The following GALNTL6 variants were observed in gnomAD, a reference collection of about 807,000 sequenced individuals.
The protein encoded by GALNTL6 is polypeptide N-acetylgalactosaminyltransferase like 6.
A neutral mutation model predicts 73.7 loss-of-function variants in GALNTL6; 46 were observed. The observed-to-expected ratio is 0.62, with a 90% CI of 0.49 to 0.80. GALNTL6 has a LOEUF of 0.80. Ranked by LOEUF, GALNTL6 falls within the 30% of genes least tolerant of loss-of-function variation. GALNTL6 has a pLI of 0.00. For missense variants in GALNTL6, 604 were observed against 755.0 expected, an observed-to-expected ratio of 0.80 and a Z score of 2.34; for synonymous variants, 259 against 263.7, an observed-to-expected ratio of 0.98 and a Z score of 0.17.
intron 3 of GALNTL6, among the ~76,000 whole-genome samples, chr4:172,306,218 G>A (rs796926939): frequency 6.6e-6 from 1 of 152,034 alleles, no homozygotes; most frequent in South Asian, 2.1e-4. Flanking sequence ...GTGAAACCCT[G>A]TCTCTACTAA....
At chr4:172,519,142 A>AAT (rs904147504) in intron 5 of GALNTL6, among the ~76,000 whole-genome samples, 15 of 150,618 alleles carry the variant, frequency 1.0e-4, no homozygotes, top group Non-Finnish European at 1.0e-4. Flanking sequence ...AACTCCTGCA[A>AAT]ATATATATAT....
At chr4:171,989,151 C>T (rs574661090) in intron 2 of GALNTL6, among the ~76,000 whole-genome samples, 104 of 152,012 alleles carry the variant, frequency 6.8e-4, no homozygotes, top group Non-Finnish European at 1.3e-3. Flanking sequence ...GAAACAGGCC[C>T]TTGAAAATAA....
chr4:172,974,320 C>T (rs1339918293), intron 10 of GALNTL6, among the ~76,000 whole-genome samples: 1 of 151,988 alleles, frequency 6.6e-6, no homozygotes, highest in Admixed American at 6.6e-5. Context: ...TACCTCTCTT[C>T]CTCTTTCTCT....
intron 7 of GALNTL6, among the ~76,000 whole-genome samples, chr4:172,831,736 G>A (rs1390366996): frequency 3.9e-5 from 6 of 152,264 alleles, no homozygotes; most frequent in Admixed American, 1.3e-4. Context: ...GGGATTTGGC[G>A]TCAGAGCCTC....
At position 172,499,148 on chromosome 4, in the gene GALNTL6, C is replaced by T. The variant is rs142001117; in HGVS notation, c.553+150459C>T. 2.4e-3 allele frequency among the ~76,000 whole-genome samples: 369 copies of T among 152,202 alleles called. 3 individuals carry two copies. The highest frequency in any genetic ancestry group is 8.4e-3 in the African/African-American group (348 of 41,540). ...TACATAATAAAAATAAAAGATTAAA[C>T]GTTCCTATGGACTGCAAGTTTGCAT... On this transcript the variant is annotated intron_variant, in intron 5 of 12. Coordinates refer to ENST00000506823, the MANE Select transcript of GALNTL6 (RefSeq NM_001034845.3).
chr4:172,249,489 A>G (rs1473230139), intron 3 of GALNTL6, among the ~76,000 whole-genome samples: 1 of 152,188 alleles, frequency 6.6e-6, no homozygotes, highest in African/African-American at 2.4e-5. Flanking sequence ...CTGAATGTTA[A>G]TCACCAAGAC....
chr4:172,042,638 G>A (rs2110842410), intron 2 of GALNTL6, among the ~76,000 whole-genome samples: 1 of 151,372 alleles, frequency 6.6e-6, no homozygotes, highest in South Asian at 2.1e-4. Context: ...TTATTATCTG[G>A]AAAAATCTGC....
At chr4:172,674,401 T>G (rs1296366514) in intron 5 of GALNTL6, among the ~76,000 whole-genome samples, 1 of 152,184 alleles carries the variant, frequency 6.6e-6, no homozygotes, top group Non-Finnish European at 1.5e-5. Flanking sequence ...TATCACTTTT[T>G]CTTTCATTTT....
chr4:172,726,319 G>C (rs1370715944), intron 5 of GALNTL6, among the ~76,000 whole-genome samples: 1 of 152,140 alleles, frequency 6.6e-6, no homozygotes, highest in Non-Finnish European at 1.5e-5. Flanking sequence ...AACTTCTGCC[G>C]ACCCCCGAGT....
At chr4:172,242,768 G>GA (rs33964913) in intron 3 of GALNTL6, among the ~76,000 whole-genome samples, 1 of 152,004 alleles carries the variant, frequency 6.6e-6, no homozygotes, top group South Asian at 2.1e-4. Flanking sequence ...GGAAATTTTA[G>GA]AAAAAAAATA....
chr4:172,371,569 TTC>T (rs1000548799), intron 5 of GALNTL6, among the ~76,000 whole-genome samples: 1 of 152,146 alleles, frequency 6.6e-6, no homozygotes, highest in Admixed American at 6.5e-5. Context: ...CTTTCCTTCT[TTC>T]TCTCTGACTC....
chr4:172,886,334 T>C (rs1187599524), intron 8 of GALNTL6, among the ~76,000 whole-genome samples: 1 of 152,232 alleles, frequency 6.6e-6, no homozygotes. Context: ...GTACAGTTGT[T>C]CAAAATGGTC....
At chr4:171,865,632 G>T (rs1380182768) in intron 2 of GALNTL6, among the ~76,000 whole-genome samples, 1 of 152,096 alleles carries the variant, frequency 6.6e-6, no homozygotes. Flanking sequence ...AAGCAGAAAT[G>T]GAAGGATCCA....
chr4:172,152,933 G>A (rs1201157707), intron 2 of GALNTL6, among the ~76,000 whole-genome samples: 1 of 152,040 alleles, frequency 6.6e-6, no homozygotes, highest in African/African-American at 2.4e-5. Flanking sequence ...TTTATAAAGT[G>A]TCTTGGGGAA....
chr4:172,561,069 A>G (rs200928966), intron 5 of GALNTL6, among the ~76,000 whole-genome samples: 1 of 151,468 alleles, frequency 6.6e-6, no homozygotes, highest in Non-Finnish European at 1.5e-5. Context: ...CTGGCTAACA[A>G]GGTGAAACCC....
chr4:172,244,178 A>G (rs1737546688), intron 3 of GALNTL6, among the ~76,000 whole-genome samples: 1 of 152,174 alleles, frequency 6.6e-6, no homozygotes, highest in East Asian at 1.9e-4. Context: ...TTAATGAAAT[A>G]TTTCCTTTGT....
chr4:172,952,829 A>C (rs1749525368), intron 10 of GALNTL6, among the ~76,000 whole-genome samples: 2 of 152,178 alleles, frequency 1.3e-5, no homozygotes, highest in African/African-American at 2.4e-5. Context: ...AATTTTTAAA[A>C]TACACCTAGA....
rs533600158 is a variant in GALNTL6, at chr4:172,849,513, T to C, written c.924-33277T>C. Among the ~76,000 whole-genome samples the C allele has an allele frequency of 3.3e-5, 5 of 151,934 alleles. No individual in the cohort carries two copies. The South Asian group carries it at 1.0e-3, about 32-fold the overall frequency. On this transcript the variant is annotated intron_variant, in intron 7 of 12. Transcript: ENST00000506823. The stretch of plus-strand genomic sequence containing the variant: ...ATGAATGAATGAATGAATGGGAGAG[T>C]AGATGGATGAATGAGCAAATGAATG...
intron 5 of GALNTL6, among the ~76,000 whole-genome samples, chr4:172,624,660 C>A (rs918273458): frequency 7.9e-5 from 12 of 152,028 alleles, no homozygotes; most frequent in African/African-American, 1.9e-4. Flanking sequence ...ATCTACTGCT[C>A]TGCAGTAAAT....
Sources: allele counts gnomAD v4.1 joint callset (sites outside exome capture counted in the v4.1 genomes callset), GRCh38; gene constraint gnomAD v4.1.1; transcripts MANE v1.5; gene names NCBI Gene and HGNC (gene_info 2026-07-23, HGNC 2026-07-21).